KDM7A: variants seen among roughly 807,000 people sequenced by gnomAD.
KDM7A encodes the protein lysine demethylase 7A.
KDM7A carries 28 observed loss-of-function variants against 114.8 expected under a neutral mutation model. That is an observed-to-expected ratio of 0.24 (90% CI 0.18 to 0.33). KDM7A has a LOEUF of 0.33. Among genes scored for constraint, KDM7A ranks in the 10% least tolerant of loss-of-function variants. The pLI, the probability that KDM7A is intolerant of heterozygous loss-of-function variation, is 1.00. For missense variants in KDM7A, 942 were observed against 1,142.5 expected, an observed-to-expected ratio of 0.82 and a Z score of 2.53; for synonymous variants, 423 against 397.8, an observed-to-expected ratio of 1.06 and a Z score of -0.75.
At chr7:140,167,515 G>A (rs1306673646) in intron 1 of KDM7A, among the ~76,000 whole-genome samples, 1 of 152,046 alleles carries the variant, frequency 6.6e-6, no homozygotes, top group East Asian at 1.9e-4. Flanking sequence ...AAGTCACTGG[G>A]ACAAATGGAC....
At chr7:140,134,649 C>T (rs967719052) in intron 2 of KDM7A, among the ~76,000 whole-genome samples, 4 of 150,732 alleles carry the variant, frequency 2.7e-5, no homozygotes, top group African/African-American at 4.9e-5. Context: ...TATTTAGAAA[C>T]GCATCAAAAA....
intron 12 of KDM7A, among the ~76,000 whole-genome samples, chr7:140,101,368 G>A (rs1315563340): frequency 6.6e-6 from 1 of 152,108 alleles, no homozygotes; most frequent in Non-Finnish European, 1.5e-5. Context: ...CTCAAGTAGA[G>A]GCTTTCTGCA....
In KDM7A at chr7:140,089,984, T is replaced by A. The variant is rs776679338; in HGVS notation, c.*1110A>T. 2.3e-4 allele frequency: 35 copies of A among 152,190 alleles called. No individual in the cohort carries two copies. Among genetic ancestry groups the A allele is most frequent in the African/African-American group, 7.5e-4 (31 of 41,438 alleles). 9.4% of individuals were successfully genotyped at this position (152,190 alleles called of 1,614,324 possible). A position where few individuals can be genotyped will look rare whatever the true frequency, so the allele number is the denominator to read the frequency against. On this transcript the variant is annotated 3_prime_UTR_variant, in exon 20 of 20. Transcript: ENST00000397560. ...GCAGATTTGAATATCCTAAATAACA[T>A]TTCCCAACAAATCAGGTATGGAGCA...
intron 1 of KDM7A, among the ~76,000 whole-genome samples, chr7:140,171,667 C>T (rs1794643981): frequency 1.4e-5 from 2 of 146,068 alleles, no homozygotes; most frequent in South Asian, 2.1e-4. Flanking sequence ...TTTATATGTC[C>T]TGAATCTCAG....
At chr7:140,140,214 G>C (rs1794249470) in intron 1 of KDM7A, among the ~76,000 whole-genome samples, 1 of 152,128 alleles carries the variant, frequency 6.6e-6, no homozygotes, top group Non-Finnish European at 1.5e-5. Context: ...CAAATATCAA[G>C]TTGGGTCTAT....
At position 140,128,173 on chromosome 7, in the gene KDM7A, C is replaced by G. The variant is rs146256728; in HGVS notation, c.560-590G>C. Among the ~76,000 whole-genome samples, 18 of 152,124 alleles carry G rather than the reference C, an allele frequency of 1.2e-4. No homozygotes were observed. The East Asian group carries it at 2.5e-3, about 21-fold the overall frequency. On this transcript the variant is annotated intron_variant, in intron 4 of 19. Coordinates refer to ENST00000397560, the MANE Select transcript of KDM7A (RefSeq NM_030647.2). Reference sequence around the variant, plus strand: ...ATCAGTTCACATTAGTACCAGTGTCCGAAGGCCTGAGTTCCAAATTGTGAT... The same window carrying G: ...ATCAGTTCACATTAGTACCAGTGTCGGAAGGCCTGAGTTCCAAATTGTGAT...
chr7:140,100,101 C>A (rs1421829266), intron 12 of KDM7A, 78 bp from the exon 13 acceptor site: 6 of 1,449,386 alleles, frequency 4.1e-6, no homozygotes, highest in Non-Finnish European at 5.8e-6. Context: ...CAGTATACCA[C>A]CACCTCCCCC....
intron 1 of KDM7A, among the ~76,000 whole-genome samples, chr7:140,167,991 C>A (rs922041176): frequency 6.6e-6 from 1 of 151,944 alleles, no homozygotes; most frequent in African/African-American, 2.4e-5. Context: ...GAATATGGTC[C>A]TAAAACTAAG....
At position 140,086,564 on chromosome 7, in the gene KDM7A, A is replaced by G. The variant is rs1480984353; in HGVS notation, c.*4530T>C. 6.6e-6 allele frequency: 1 copy of G among 152,206 alleles called. No individual in the cohort carries two copies. Among genetic ancestry groups the G allele is most frequent in the Non-Finnish European group, 1.5e-5 (1 of 68,026 alleles). The allele number at this position is 152,206 out of a possible 1,614,324, so 9.4% of individuals were successfully genotyped here. On this transcript the variant is annotated 3_prime_UTR_variant, in exon 20 of 20. Coordinates refer to ENST00000397560, the MANE Select transcript of KDM7A (RefSeq NM_030647.2). ...GAAGGGCTTCTAGGAAGGCTACAGTATTAAGATTACATTACGTTCAACAGC... is the reference window on the plus strand; with the variant it reads ...GAAGGGCTTCTAGGAAGGCTACAGTGTTAAGATTACATTACGTTCAACAGC...
rs546519831 is a variant in KDM7A at position 140,099,189 on chromosome 7, G to A, written c.1764-156C>T. On this transcript the variant is annotated intron_variant, in intron 13 of 19. Transcript: ENST00000397560. ...CAATAGTATGCGCTAGGGATCTGAG[G>A]TTCGTTTTTTGTTTTTGTTTTTTGA... is the stretch of plus-strand genomic sequence containing the variant. Among the ~76,000 whole-genome samples, 5 of 152,066 alleles carry A rather than the reference G, an allele frequency of 3.3e-5. No homozygotes were observed. In the South Asian group the frequency reaches 1.0e-3, roughly 32 times the overall value.
chr7:140,101,987 C>A lies in KDM7A; in HGVS notation c.1602G>T (p.Glu534Asp). The change falls in exon 12 of 20, where the codon GAG becomes GAT. Residue 534 changes from glutamate (E) to aspartate (D), a missense_variant. Coordinates refer to ENST00000397560, the MANE Select transcript of KDM7A (RefSeq NM_030647.2). Reference sequence around the variant, plus strand: ...GACACATCTCTAATCTTTTGAGGACCTCCCTTGTGTGGAGCTCTAGGATGT... The same window carrying A: ...GACACATCTCTAATCTTTTGAGGACATCCCTTGTGTGGAGCTCTAGGATGT... ...NLDILELHTR[E>D]VLKRLEMCPW... is the part of the protein sequence containing the mutation. 6.2e-7 allele frequency: 1 copy of A among 1,613,734 alleles called. No individual in the cohort carries two copies. Among genetic ancestry groups the A allele is most frequent in the South Asian group, 1.1e-5 (1 of 91,082 alleles).
At chr7:140,097,182 T>A (rs911077308) in intron 15 of KDM7A, 135 bp from the exon 16 acceptor site, 2 of 667,424 alleles carry the variant, frequency 3.0e-6, no homozygotes, top group African/African-American at 1.8e-5. Context: ...GTAATTCACA[T>A]GAAAAAAATG....
chr7:140,112,598 A>G (rs1818450808), intron 10 of KDM7A, among the ~76,000 whole-genome samples: 1 of 152,082 alleles, frequency 6.6e-6, no homozygotes, highest in Admixed American at 6.6e-5. Context: ...GCAACAGATT[A>G]AGACTCTGTC....
At chr7:140,115,911 T>C (rs1456950538) in intron 9 of KDM7A, among the ~76,000 whole-genome samples, 2 of 139,336 alleles carry the variant, frequency 1.4e-5, no homozygotes, top group African/African-American at 2.7e-5. Flanking sequence ...AAAAGGCTTA[T>C]ACACATATGA....
intron 11 of KDM7A, among the ~76,000 whole-genome samples, chr7:140,110,157 A>G (rs1818409336): frequency 1.3e-5 from 2 of 151,968 alleles, no homozygotes; most frequent in Admixed American, 6.6e-5. Flanking sequence ...CTACTGTTTT[A>G]CTTCCTAAAA....
intron 1 of KDM7A, among the ~76,000 whole-genome samples, chr7:140,143,465 T>A (rs1794307685): frequency 6.6e-6 from 1 of 152,178 alleles, no homozygotes. Flanking sequence ...TTTCCTCTAT[T>A]ATTCCACAAT....
chr7:140,107,740 A>C (rs1426108141), intron 11 of KDM7A, among the ~76,000 whole-genome samples: 3 of 152,092 alleles, frequency 2.0e-5, no homozygotes, highest in Non-Finnish European at 4.4e-5. Context: ...GAATCTGACA[A>C]TTACGTGTCT....
chr7:140,175,292 G>A (rs1794689981), intron 1 of KDM7A, among the ~76,000 whole-genome samples: 1 of 152,146 alleles, frequency 6.6e-6, no homozygotes, highest in South Asian at 2.1e-4. Context: ...TGATTTACAT[G>A]GTTTTCTCTC....
intron 17 of KDM7A, 137 bp from the exon 18 acceptor site, chr7:140,094,275 C>A (rs1818068381): frequency 1.5e-6 from 1 of 658,046 alleles, no homozygotes. Context: ...GAGGCCAAGG[C>A]AGGTCAATCA....
Sources: gnomAD v4.1 joint callset for allele counts (sites outside exome capture counted in the v4.1 genomes callset) on GRCh38, gnomAD v4.1.1 for gene constraint, MANE v1.5 for transcripts, NCBI Gene and HGNC (gene_info 2026-07-23, HGNC 2026-07-21) for gene names.